The following SH3TC1 variants were observed in gnomAD, a reference collection of about 807,000 sequenced individuals.
SH3TC1 encodes the protein SH3 domain and tetratricopeptide repeat-containing protein 1.
A neutral mutation model predicts 117.3 loss-of-function variants in SH3TC1; 135 were observed. The observed-to-expected ratio is 1.15, with a 90% CI of 1.00 to 1.33. The LOEUF (loss-of-function observed/expected upper bound fraction) is 1.33, where lower values mean the gene tolerates loss of function less well. SH3TC1 is among the 40% of genes most tolerant of loss of function. The pLI is 0.00. For synonymous variants in SH3TC1, 898 were observed against 816.9 expected (o/e 1.10, Z -1.69); for missense variants, 2,092 against 1,794.3 (o/e 1.17, Z -3.00).
chr4:8,233,319 A>C, intron 13 of SH3TC1, 44 bp from the exon 14 acceptor site: 3 of 1,564,156 alleles, frequency 1.9e-6, no homozygotes, highest in Non-Finnish European at 2.6e-6. Context: ...GACTGGTTCC[A>C]GGAGGATGAC....
chr4:8,218,509 C>A (rs1301929699), intron 8 of SH3TC1, among the ~76,000 whole-genome samples, 162 bp downstream of exon 8: 1 of 152,152 alleles, frequency 6.6e-6, no homozygotes, highest in Non-Finnish European at 1.5e-5. Flanking sequence ...ATGGCAAAAA[C>A]CGCAATTACT....
At position 8,188,738 on chromosome 4, in the gene SH3TC1, G is replaced by A. The variant is rs560177053; in HGVS notation, c.-57+6528G>A. ...GCTGGACACCAAAGTGGTGGGCCAC[G>A]CCCCTGTGACGCCACCTGGGAGACA... On this transcript the variant is annotated intron_variant, in intron 1 of 16. Coordinates refer to the SH3TC1 transcript ENST00000508641. Among the ~76,000 whole-genome samples the A allele has an allele frequency of 6.6e-4, 101 of 152,340 alleles. 1 individual carries two copies. The South Asian group carries it at 6.8e-3, about 10-fold the overall frequency.
rs9995372 is a variant in SH3TC1, at chr4:8,214,361, C to T, written c.376-114C>T. ...GTGAAGGAATCTGCCCTGGGTGTGT[C>T]GTCCCCCGCCGGGGCCACATCTGCA... On this transcript the variant is annotated intron_variant, in intron 4 of 17. Coordinates refer to ENST00000245105, the MANE Select transcript of SH3TC1 (RefSeq NM_018986.5). The T allele has an allele frequency of 4.5e-4, 402 of 893,256 alleles. 2 individuals carry two copies. In the African/African-American group the frequency reaches 5.7e-3, roughly 13 times the overall value. The allele number at this position is 893,256 out of a possible 1,614,324, so 55.3% of individuals were successfully genotyped here.
At chr4:8,221,562 T>C (rs1561699824) in intron 9 of SH3TC1, among the ~76,000 whole-genome samples, 1 of 152,356 alleles carries the variant, frequency 6.6e-6, no homozygotes, top group African/African-American at 2.4e-5. Flanking sequence ...TAACATGTTA[T>C]GACATTTGCT....
intron 9 of SH3TC1, among the ~76,000 whole-genome samples, chr4:8,222,622 C>T (rs574543923): frequency 9.2e-5 from 14 of 152,138 alleles, no homozygotes; most frequent in Middle Eastern, 3.4e-3. Flanking sequence ...GATCCGCCCA[C>T]CTCAGCCTCC....
At chr4:8,188,864 C>T (rs1040341560) in intron 1 of SH3TC1, among the ~76,000 whole-genome samples, 2 of 152,248 alleles carry the variant, frequency 1.3e-5, no homozygotes, top group African/African-American at 2.4e-5. Flanking sequence ...ACGAGGCAGC[C>T]ACCTCCTCCC....
chr4:8,232,300 G>A (rs1241299164), intron 13 of SH3TC1, 144 bp downstream of exon 13: 22 of 1,456,252 alleles, frequency 1.5e-5, no homozygotes, highest in Non-Finnish European at 2.1e-5. Context: ...GCTCTGAGCT[G>A]GGGGGCCTGG....
chr4:8,225,244 CT>C lies in SH3TC1; in HGVS notation c.1285+29del, dbSNP rs1480528475. On this transcript the variant is annotated intron_variant, in intron 11 of 17. Coordinates refer to ENST00000245105, the MANE Select transcript of SH3TC1 (RefSeq NM_018986.5). This position sits in a 1 kb window ranked among gnomAD's most constrained non-coding sequence, Gnocchi z 5.5. ...GGGTTTTGCCAGTGGCTCAGGCTTCCTCTGGTTATGAGCTGGGCCTTGGGGT... is the reference window on the plus strand; with the variant it reads ...GGGTTTTGCCAGTGGCTCAGGCTTCCCTGGTTATGAGCTGGGCCTTGGGGT... 2.5e-6 allele frequency: 4 copies of C among 1,608,912 alleles called. No individual in the cohort carries two copies. Among genetic ancestry groups the C allele is most frequent in the African/African-American group, 1.3e-5 (1 of 74,824 alleles).
At chr4:8,197,356 T>G (rs1453675182), upstream of SH3TC1, among the ~76,000 whole-genome samples, 1 of 152,156 alleles carries the variant, frequency 6.6e-6, no homozygotes, top group East Asian at 1.9e-4. Flanking sequence ...GACCCCAGTT[T>G]GTGGCACACA....
chr4:8,229,344 A>T (rs1720899613), intron 12 of SH3TC1: 1 of 149,548 alleles, frequency 6.7e-6, no homozygotes, highest in Non-Finnish European at 1.5e-5. Flanking sequence ...AGATTTAGTC[A>T]AGTAATACGT....
intron 9 of SH3TC1, among the ~76,000 whole-genome samples, chr4:8,220,767 G>T (rs1184434456): frequency 6.6e-6 from 1 of 152,148 alleles, no homozygotes; most frequent in African/African-American, 2.4e-5. Flanking sequence ...GGTCTCAGAG[G>T]CCGTTTGTCA....
chr4:8,211,027 CCT>C (rs1220811119), intron 3 of SH3TC1, among the ~76,000 whole-genome samples: 2 of 150,974 alleles, frequency 1.3e-5, no homozygotes, highest in Non-Finnish European at 3.0e-5. Flanking sequence ...CTCCCCTCTC[CCT>C]CTCTCTCTTC....
chr4:8,219,424 G>C lies in SH3TC1; in HGVS notation c.1006G>C (p.Gly336Arg), dbSNP rs1440504658. The part of the protein sequence containing the change: ...FRGGDLIEIL[G>R]AQVPSLPWCV... The stretch of plus-strand genomic sequence containing the variant: ...AGGTGGCGACCTCATCGAGATCCTT[G>C]GGGCGCAGGTGCCCAGCCTGCCCTG... Residue 336 changes from glycine to arginine, a missense_variant, in exon 9 of 18, where the codon GGG (glycine) becomes CGG (arginine). By Grantham distance (125) the Gly-to-Arg change is moderately radical (BLOSUM62 -2). Coordinates refer to ENST00000245105, the MANE Select transcript of SH3TC1 (RefSeq NM_018986.5). 1.2e-6 allele frequency: 2 copies of C among 1,611,752 alleles called. No homozygotes were observed. The highest frequency in any genetic ancestry group is 2.7e-5 in the African/African-American group (2 of 74,896).
rs967445646 is a variant in SH3TC1, at chr4:8,207,023, C to T, written c.172+1657C>T. Among the ~76,000 whole-genome samples the T allele has an allele frequency of 2.7e-5, 4 of 150,722 alleles. No individual in the cohort carries two copies. The East Asian group carries it at 7.8e-4, about 30-fold the overall frequency. On this transcript the variant is annotated intron_variant, in intron 2 of 17. Coordinates refer to ENST00000245105, the MANE Select transcript of SH3TC1 (RefSeq NM_018986.5). ...CCTGCTTTTAATAACACCATCACCT[C>T]ATCTACAGGCCTCATTCAGATCTTG...
chr4:8,187,164 A>C (rs1265076773), intron 1 of SH3TC1, among the ~76,000 whole-genome samples: 2 of 152,084 alleles, frequency 1.3e-5, no homozygotes, highest in African/African-American at 4.8e-5. Flanking sequence ...GTTCCACACT[A>C]TCAGTTGGAT....
chr4:8,234,243 C>G (rs1056766111), intron 14 of SH3TC1, among the ~76,000 whole-genome samples: 8 of 151,378 alleles, frequency 5.3e-5, no homozygotes, highest in Non-Finnish European at 1.2e-4. Context: ...ATTCACCCAT[C>G]CATCCATTCA....
intron 14 of SH3TC1, among the ~76,000 whole-genome samples, chr4:8,234,770 T>A (rs1470404817): frequency 6.6e-6 from 1 of 152,244 alleles, no homozygotes; most frequent in Non-Finnish European, 1.5e-5. Flanking sequence ...CCCCTCACAG[T>A]GCCCAGCACC....
rs753817544 is a variant in SH3TC1 at position 8,240,858 on chromosome 4, G to A, written c.3914G>A (p.Arg1305Lys). The stretch of plus-strand genomic sequence containing the variant: ...TCGCTCTTCTTCTACCAGAAGGCCA[G>A]GACCTTCGCCACAGAGCTCAACGTC... ...EKSLFFYQKA[R>K]TFATELNVRR... is the part of the protein sequence containing the mutation. Residue 1305 changes from arginine to lysine, a missense_variant, in exon 18 of 18, where the codon AGG (arginine) becomes AAG (lysine). Coordinates refer to ENST00000245105, the MANE Select transcript of SH3TC1 (RefSeq NM_018986.5). 1.2e-6 allele frequency: 2 copies of A among 1,613,872 alleles called. No homozygotes were observed. The highest frequency in any genetic ancestry group is 3.3e-5 in the Admixed American group (2 of 60,032).
In SH3TC1 at chr4:8,193,990, C is replaced by T. The variant is rs140951159; in HGVS notation, c.-57+11780C>T. 3.5e-3 allele frequency among the ~76,000 whole-genome samples: 540 copies of T among 152,326 alleles called. 3 individuals carry two copies. Among genetic ancestry groups the T allele is most frequent in the African/African-American group, 0.012 (510 of 41,560 alleles). On this transcript the variant is annotated intron_variant, in intron 1 of 16. Coordinates refer to the SH3TC1 transcript ENST00000508641. ...TCATTTGCTGCAGGAGGCTGAAAAA[C>T]GCAAAGACAAAAGCCACCACCCGTG... is the stretch of plus-strand genomic sequence containing the variant.
Sources: gnomAD v4.1 joint callset for allele counts (sites outside exome capture counted in the v4.1 genomes callset) on GRCh38, gnomAD v4.1.1 for gene constraint, Gnocchi (gnomAD v3.1) non-coding constraint, MANE v1.5 for transcripts, NCBI Gene and HGNC (gene_info 2026-07-23, HGNC 2026-07-21) for gene names.